WWOX: variants seen among roughly 807,000 people sequenced by gnomAD.
WWOX encodes the protein WW domain containing oxidoreductase.
A neutral mutation model predicts 46.2 loss-of-function variants in WWOX; 69 were observed. The observed-to-expected ratio is 1.49, with a 90% CI of 1.23 to 1.82. The LOEUF is 1.82. WWOX is among the 40% of genes most tolerant of loss of function. The probability of loss-of-function intolerance (pLI) is 0.00; values close to 1 mark genes in which losing one functional copy is unlikely to be tolerated. For synonymous variants in WWOX, 359 were observed against 202.6 expected (o/e 1.77, Z -6.56); for missense variants, 919 against 542.6 (o/e 1.69, Z -6.89).
chr16:78,833,328 C>G (rs1458608303), intron 8 of WWOX, among the ~76,000 whole-genome samples: 1 of 152,028 alleles, frequency 6.6e-6, no homozygotes, highest in Non-Finnish European at 1.5e-5. Flanking sequence ...ATGACAAGCT[C>G]TTTCTTTATA....
At chr16:78,109,651 A>G (rs1193982143) in intron 2 of WWOX, 127 bp from the exon 3 acceptor site, 42 of 850,812 alleles carry the variant, frequency 4.9e-5, no homozygotes, top group East Asian at 3.3e-4. Flanking sequence ...AAGCCAGTTG[A>G]TGTGACAACT....
chr16:79,131,667 T>C (rs1346505418), intron 8 of WWOX, among the ~76,000 whole-genome samples: 3 of 152,124 alleles, frequency 2.0e-5, no homozygotes, highest in Non-Finnish European at 4.4e-5. Flanking sequence ...TCAGCATCAG[T>C]GAATTAACAC....
At position 78,963,598 on chromosome 16, in the gene WWOX, T is replaced by C. The variant is rs1369695542; in HGVS notation, c.1057-248010T>C. Among the ~76,000 whole-genome samples the C allele has an allele frequency of 2.6e-5, 4 of 152,202 alleles. No homozygotes were observed. In the South Asian group the frequency reaches 6.2e-4, roughly 24 times the overall value. ...AGAGTTCAGTATTTGCTTATGCTAG[T>C]TATGTTAGTGGTATGCTTTTTAAAA... is the stretch of plus-strand genomic sequence containing the variant. On this transcript the variant is annotated intron_variant, in intron 8 of 8. Transcript: ENST00000566780.
chr16:78,388,551 G>A (rs1331665334), intron 6 of WWOX, among the ~76,000 whole-genome samples: 1 of 150,218 alleles, frequency 6.7e-6, no homozygotes, highest in Admixed American at 6.7e-5. Flanking sequence ...GGAGGCTGAG[G>A]CAGGAAAATC....
chr16:78,584,411 C>A lies in WWOX; in HGVS notation c.1056+151659C>A, dbSNP rs187403331. Among the ~76,000 whole-genome samples the A allele has an allele frequency of 8.5e-5, 13 of 152,290 alleles. No individual in the cohort carries two copies. In the East Asian group the frequency reaches 2.3e-3, roughly 27 times the overall value. On this transcript the variant is annotated intron_variant, in intron 8 of 8. Transcript: ENST00000566780. ...CCAGGCTTGGGATTTCGCAACACGT[C>A]GCTTAATCTCTTAGCTTACATTTTG...
chr16:78,149,019 A>G (rs1386322059), intron 4 of WWOX, among the ~76,000 whole-genome samples: 1 of 151,612 alleles, frequency 6.6e-6, no homozygotes, highest in Admixed American at 6.6e-5. Context: ...TTGAGACAGA[A>G]TCTGCTCCAT....
chr16:78,850,557 G>C (rs946003549), intron 8 of WWOX, among the ~76,000 whole-genome samples: 2 of 152,126 alleles, frequency 1.3e-5, no homozygotes, highest in Non-Finnish European at 2.9e-5. Context: ...ATATAATGCT[G>C]TTTAGTCCCC....
At chr16:79,046,260 T>C (rs2048063811) in intron 8 of WWOX, among the ~76,000 whole-genome samples, 1 of 152,220 alleles carries the variant, frequency 6.6e-6, no homozygotes, top group Non-Finnish European at 1.5e-5. Flanking sequence ...AACTCCCTTT[T>C]TTCCCTTGAA....
rs749992495 is a variant in WWOX at position 78,887,077 on chromosome 16, GGTGTGTGTGT to G, written c.1057-324482_1057-324473del. Among the ~76,000 whole-genome samples the G allele has an allele frequency of 6.7e-3, 412 of 61,328 alleles. 5 individuals carry two copies. Among genetic ancestry groups the G allele is most frequent in the East Asian group, 0.041 (83 of 2,002 alleles). The allele number at this position is 61,328 out of a possible 152,430, so 40.2% of individuals were successfully genotyped here. ...AGTCTGGCTATATGTGTGTGTGTGT[GGTGTGTGTGT>G]GTGTGTGTGTGTGTGTGTGTGTGTG... On this transcript the variant is annotated intron_variant, in intron 8 of 8. Transcript: ENST00000566780.
intron 8 of WWOX, among the ~76,000 whole-genome samples, chr16:78,994,638 T>C (rs1213383524): frequency 6.6e-6 from 1 of 152,160 alleles, no homozygotes; most frequent in African/African-American, 2.4e-5. Context: ...AAGAATTCTC[T>C]ATGAAATAAT....
At chr16:78,184,310 T>C (rs906629342) in intron 5 of WWOX, among the ~76,000 whole-genome samples, 23 of 152,162 alleles carry the variant, frequency 1.5e-4, no homozygotes, top group Admixed American at 1.5e-3. Flanking sequence ...TGGGCTGGGG[T>C]AGGCAAGGGA....
intron 8 of WWOX, among the ~76,000 whole-genome samples, chr16:78,648,398 G>A (rs769778781): frequency 3.9e-5 from 6 of 152,132 alleles, no homozygotes; most frequent in African/African-American, 1.2e-4. Flanking sequence ...TTTTTGTCAA[G>A]ATCATTTTTG....
At chr16:78,780,715 G>C (rs574991718) in intron 8 of WWOX, among the ~76,000 whole-genome samples, 149 of 152,248 alleles carry the variant, frequency 9.8e-4, no homozygotes, top group African/African-American at 3.5e-3. Context: ...GGAAGTGCAG[G>C]GTCCCTGAGG....
intron 5 of WWOX, among the ~76,000 whole-genome samples, chr16:78,266,734 C>T (rs1298153469): frequency 2.0e-5 from 3 of 150,872 alleles, no homozygotes. Flanking sequence ...TCATCGCTTC[C>T]AACATCGCCT....
At chr16:78,644,967 G>A (rs996031658) in intron 8 of WWOX, among the ~76,000 whole-genome samples, 1 of 152,226 alleles carries the variant, frequency 6.6e-6, no homozygotes, top group Non-Finnish European at 1.5e-5. Flanking sequence ...ATTAGTAAAC[G>A]GTGAGTTTTG....
At chr16:78,269,030 C>T (rs550527163) in intron 5 of WWOX, 2 of 152,260 alleles carry the variant, frequency 1.3e-5, no homozygotes, top group African/African-American at 4.8e-5. Flanking sequence ...TAAGTGGACA[C>T]ATACTCCACC....
chr16:78,667,398 T>C (rs568130772), intron 8 of WWOX, among the ~76,000 whole-genome samples: 3 of 152,264 alleles, frequency 2.0e-5, no homozygotes, highest in African/African-American at 2.4e-5. Context: ...ATGATGGGTG[T>C]GGTGGCTCAC....
At chr16:78,372,310 T>C (rs942232075) in intron 5 of WWOX, among the ~76,000 whole-genome samples, 1 of 152,192 alleles carries the variant, frequency 6.6e-6, no homozygotes, top group Admixed American at 6.5e-5. Flanking sequence ...TGCTTAGATA[T>C]GGTTCCTTAT....
intron 8 of WWOX, among the ~76,000 whole-genome samples, chr16:78,808,424 T>A (rs1000786159): frequency 6.6e-6 from 1 of 152,220 alleles, no homozygotes; most frequent in African/African-American, 2.4e-5. Context: ...GCTATTGGGA[T>A]GTGTAAAGTA....
Sources: allele counts gnomAD v4.1 joint callset (sites outside exome capture counted in the v4.1 genomes callset), GRCh38; gene constraint gnomAD v4.1.1; transcripts MANE v1.5; gene names NCBI Gene and HGNC (gene_info 2026-07-23, HGNC 2026-07-21).